Variants in NKAIN4 observed in about 807,000 individuals in gnomAD.
NKAIN4 encodes sodium/potassium-transporting ATPase subunit beta-1-interacting protein 4.
NKAIN4 carries 28 observed loss-of-function variants against 28.8 expected under a neutral mutation model. The ratio of observed to expected loss-of-function variants is 0.97; its 90% CI spans 0.72 to 1.33. The LOEUF (loss-of-function observed/expected upper bound fraction) is 1.33. Ranked by LOEUF, NKAIN4 falls within the 40% of genes most tolerant of loss-of-function variation. The pLI is 0.00. For synonymous variants in NKAIN4, 122 were observed against 115.6 expected (o/e 1.06, Z -0.36); for missense variants, 289 against 277.2 (o/e 1.04, Z -0.30).
chr20:63,251,720 C>T lies in NKAIN4; in HGVS notation c.55-1648G>A, dbSNP rs149779996. Reference sequence around the variant, plus strand: ...ATACGGGAACAAAGAGTAATTGCTACAAACTAATGATGAATGATATTCATA... The same window carrying T: ...ATACGGGAACAAAGAGTAATTGCTATAAACTAATGATGAATGATATTCATA... On this transcript the variant is annotated intron_variant, in intron 1 of 6. Coordinates refer to ENST00000370316, the MANE Select transcript of NKAIN4 (RefSeq NM_152864.4). 5.9e-3 allele frequency among the ~76,000 whole-genome samples: 905 copies of T among 152,262 alleles called. 15 individuals are homozygous for T. The highest frequency in any genetic ancestry group is 9.4e-3 in the Non-Finnish European group (640 of 68,018).
At chr20:63,246,968 C>T (rs915239297) in intron 4 of NKAIN4, 12 of 990,428 alleles carry the variant, frequency 1.2e-5, no homozygotes, top group African/African-American at 7.0e-5. Flanking sequence ...TCTACCAACC[C>T]GTGCAGGGCC....
chr20:63,253,247 G>T (rs2066992367), intron 1 of NKAIN4: 3 of 985,286 alleles, frequency 3.0e-6, no homozygotes, highest in African/African-American at 3.5e-5. Context: ...CAAGGCCTGG[G>T]ATGGTCCTTG....
At chr20:63,247,878 C>T in intron 3 of NKAIN4, 103 bp from the exon 4 acceptor site, 2 of 1,367,360 alleles carry the variant, frequency 1.5e-6, no homozygotes, top group South Asian at 2.0e-5. Flanking sequence ...AAGGGGAGGT[C>T]CTGTCCTCTC....
In NKAIN4 at chr20:63,245,873, G is replaced by A. The variant is rs1476030234; in HGVS notation, c.471+1705C>T. ...GCAGAGTGCCCACTCCTCCAGCCTC[G>A]GCTCCCATAGCACGCCAGCCCCCTC... On this transcript the variant is annotated intron_variant, in intron 4 of 6. Transcript: ENST00000370316. The surrounding 1 kb of genome is among the most constrained non-coding windows in gnomAD (Gnocchi z 4.7). Among the ~76,000 whole-genome samples the A allele has an allele frequency of 6.6e-6, 1 of 151,568 alleles. No individual in the cohort carries two copies. The highest frequency in any genetic ancestry group is 1.9e-4 in the East Asian group (1 of 5,168).
chr20:63,249,706 C>T (rs898726899), intron 2 of NKAIN4, among the ~76,000 whole-genome samples: 2 of 152,072 alleles, frequency 1.3e-5, no homozygotes, highest in Admixed American at 6.5e-5. Flanking sequence ...TGCCTGGGGC[C>T]CCCCAATATA....
At chr20:63,247,556 G>A (rs1167607568) in intron 4 of NKAIN4, 22 bp downstream of exon 4, 8 of 1,546,280 alleles carry the variant, frequency 5.2e-6, no homozygotes, top group Middle Eastern at 1.7e-4. Context: ...CCCCACCCGG[G>A]GGCCCCCTTC....
At chr20:63,242,256 G>A (rs919555548) in intron 6 of NKAIN4, among the ~76,000 whole-genome samples, 7 of 151,998 alleles carry the variant, frequency 4.6e-5, no homozygotes, top group Non-Finnish European at 8.8e-5. Context: ...TGCGGCCCCC[G>A]ACTCAGAGCC....
chr20:63,241,804 G>A (rs566092804), intron 6 of NKAIN4: 166 of 589,644 alleles, frequency 2.8e-4, no homozygotes, highest in South Asian at 3.1e-4. Context: ...CCCTGGCTCA[G>A]GGTCTGCGTG....
chr20:63,245,090 CG>C lies in NKAIN4; in HGVS notation c.472-1007del, dbSNP rs1189787467. Among the ~76,000 whole-genome samples the C allele has an allele frequency of 6.6e-6, 1 of 152,154 alleles. No individual in the cohort carries two copies. Among genetic ancestry groups the C allele is most frequent in the Non-Finnish European group, 1.5e-5 (1 of 68,026 alleles). ...CCCAGGGCTGGACATGCTTGGGCTC[CG>C]TCCCCCCGACCCCCGACCCCATCTG... On this transcript the variant is annotated intron_variant, in intron 4 of 6. Coordinates refer to ENST00000370316, the MANE Select transcript of NKAIN4 (RefSeq NM_152864.4). The surrounding 1 kb of genome is among the most constrained non-coding windows in gnomAD (Gnocchi z 4.7).
intron 5 of NKAIN4, among the ~76,000 whole-genome samples, chr20:63,243,639 G>A (rs189252433): frequency 3.9e-5 from 6 of 152,292 alleles, no homozygotes; most frequent in East Asian, 1.9e-4. Context: ...GGCTGCCACC[G>A]AGGGCCTGAT....
intron 3 of NKAIN4, chr20:63,248,573 C>T: frequency 6.3e-6 from 3 of 479,668 alleles, no homozygotes; most frequent in Non-Finnish European, 1.1e-5. Context: ...CAGCTGGAGC[C>T]CCCTCGCCTG....
chr20:63,253,259 G>A, intron 1 of NKAIN4: 1 of 985,332 alleles, frequency 1.0e-6, no homozygotes, highest in Non-Finnish European at 1.2e-6. Context: ...TGGTCCTTGG[G>A]CCCCCAGCCT....
At chr20:63,247,291 ATCC>A in intron 4 of NKAIN4, 1 of 1,362,360 alleles carries the variant, frequency 7.3e-7, no homozygotes, top group Non-Finnish European at 9.5e-7. Context: ...TCTCGGCCTG[ATCC>A]GATTCCTTCC....
intron 2 of NKAIN4, 85 bp from the exon 3 acceptor site, chr20:63,248,980 C>A (rs2066909322): frequency 7.8e-6 from 7 of 900,866 alleles, no homozygotes; most frequent in Non-Finnish European, 1.3e-5. Context: ...GAAGGGGTCC[C>A]ATGATCGCAT....
intron 3 of NKAIN4, 171 bp downstream of exon 3, chr20:63,248,644 A>C: frequency 1.7e-6 from 1 of 588,588 alleles, no homozygotes; most frequent in Non-Finnish European, 3.1e-6. Flanking sequence ...CCAAACCTTT[A>C]CTGAGTTACC....
In NKAIN4 at chr20:63,247,689, T is replaced by A; in HGVS notation, c.360A>T (p.Pro120=). Residue 120 remains proline, a synonymous_variant, in exon 4 of 7, where the codon CCA becomes CCT. Coordinates refer to ENST00000370316, the MANE Select transcript of NKAIN4 (RefSeq NM_152864.4). ...CATGGGGGGCCCCGAGGCCCACTGC[T>A]GGCACCTCCTCATGCAGACAGCCTG... The part of the protein sequence containing the change: ...RWPGCLHEEV[P]AVGLGAPHGQ... 6.5e-7 allele frequency: 1 copy of A among 1,538,398 alleles called. No homozygotes were observed. Among genetic ancestry groups the A allele is most frequent in the African/African-American group, 1.4e-5 (1 of 72,802 alleles).
At chr20:63,247,285 G>T in intron 4 of NKAIN4, 1 of 1,343,712 alleles carries the variant, frequency 7.4e-7, no homozygotes, top group Non-Finnish European at 9.6e-7. Context: ...GGGGTGTCTC[G>T]GCCTGATCCG....
intron 4 of NKAIN4, chr20:63,244,664 G>A (rs1047123955): frequency 2.5e-6 from 1 of 402,130 alleles, no homozygotes; most frequent in African/African-American, 2.0e-5. Flanking sequence ...GCAGGGAGAG[G>A]GGAGGGACTG....
At chr20:63,244,649 G>C (rs41309939) in intron 4 of NKAIN4, 9,417 of 424,640 alleles carry the variant, frequency 0.022, 149 homozygotes, top group African/African-American at 0.046. Flanking sequence ...TGGGGCAGGG[G>C]TCAGGCAGGG....
Sources: gnomAD v4.1 joint callset for allele counts (sites outside exome capture counted in the v4.1 genomes callset) on GRCh38, gnomAD v4.1.1 for gene constraint, Gnocchi (gnomAD v3.1) non-coding constraint, MANE v1.5 for transcripts, NCBI Gene and HGNC (gene_info 2026-07-23, HGNC 2026-07-21) for gene names.